WDR1: variants seen among roughly 807,000 people sequenced by gnomAD.
WDR1 encodes WD repeat domain 1.
A neutral mutation model predicts 71.9 loss-of-function variants in WDR1; 21 were observed. That is an observed-to-expected ratio of 0.29 (90% CI 0.21 to 0.42). WDR1 has a LOEUF of 0.42. WDR1 is among the 10% of genes least tolerant of loss of function. The pLI, the probability that WDR1 is intolerant of heterozygous loss-of-function variation, is 1.00. For synonymous variants in WDR1, 424 were observed against 347.4 expected (o/e 1.22, Z -2.45); for missense variants, 696 against 824.5 (o/e 0.84, Z 1.91).
In WDR1 at chr4:10,086,349, C is replaced by G. The variant is rs371062122; in HGVS notation, c.951+1358G>C. 1.1e-4 allele frequency among the ~76,000 whole-genome samples: 16 copies of G among 152,342 alleles called. No individual in the cohort carries two copies. The South Asian group carries it at 3.1e-3, about 30-fold the overall frequency. On this transcript the variant is annotated intron_variant, in intron 8 of 14. Coordinates refer to ENST00000499869, the MANE Select transcript of WDR1 (RefSeq NM_017491.5). Reference sequence around the variant, plus strand: ...TATCCTCGAGGCCACGTCTAGTGAACCTTTATGGTTCAGCCTTCCCCCTCT... The same window carrying G: ...TATCCTCGAGGCCACGTCTAGTGAAGCTTTATGGTTCAGCCTTCCCCCTCT...
chr4:10,112,406 G>A (rs1335622806), intron 2 of WDR1, among the ~76,000 whole-genome samples: 1 of 152,088 alleles, frequency 6.6e-6, no homozygotes, highest in Non-Finnish European at 1.5e-5. Flanking sequence ...TCCCCTTCTT[G>A]GAGCTCTCTC....
intron 8 of WDR1, among the ~76,000 whole-genome samples, chr4:10,086,224 C>G (rs574756689): frequency 2.0e-5 from 3 of 152,348 alleles, no homozygotes; most frequent in Admixed American, 2.0e-4. Flanking sequence ...TCAGCTCCCC[C>G]AGGCAACAAC....
At position 10,074,923 on chromosome 4, in the gene WDR1, G is replaced by A. The variant is rs79218087; in HGVS notation, c.*455C>T. 1.1e-3 allele frequency: 196 copies of A among 170,606 alleles called. 1 individual carries two copies. The highest frequency in any genetic ancestry group is 3.7e-3 in the African/African-American group (158 of 42,316). 10.6% of individuals were successfully genotyped at this position (170,606 alleles called of 1,614,324 possible). A position where few individuals can be genotyped will look rare whatever the true frequency, so the allele number is the denominator to read the frequency against. ...AGACATCTGTTCAACACAGAATTCC[G>A]GCTTTGCTGAACTGCAATGCATATT... On this transcript the variant is annotated 3_prime_UTR_variant, in exon 15 of 15. Coordinates refer to ENST00000499869, the MANE Select transcript of WDR1 (RefSeq NM_017491.5).
chr4:10,116,308 C>T, intron 1 of WDR1, 74 bp from the exon 2 acceptor site: 1 of 1,598,940 alleles, frequency 6.3e-7, no homozygotes, highest in Non-Finnish European at 8.5e-7. Flanking sequence ...AGAAGGAGCC[C>T]CGGACCGGTC....
Position 10,079,001 on chromosome 4 carries a change from T to C in WDR1, c.1285A>G (p.Ile429Val). 1 of 1,600,194 alleles carries C rather than the reference T, an allele frequency of 6.2e-7. No individual in the cohort carries two copies. The highest frequency in any genetic ancestry group is 8.5e-7 in the Non-Finnish European group (1 of 1,171,930). The change falls in exon 12 of 15, where the codon ATT becomes GTT. Residue 429 changes from isoleucine to valine, a missense_variant and splice_region_variant. Transcript: ENST00000499869. The part of the protein sequence containing the change: ...GYAVVVCIGQ[I>V]VLLKDQRKCF... ...TTCCTCTGATCCTTCAGCAGGACAATCTGTGGCACACACAGGCAGCTGGTC... is the reference window on the plus strand; with the variant it reads ...TTCCTCTGATCCTTCAGCAGGACAACCTGTGGCACACACAGGCAGCTGGTC...
chr4:10,098,207 A>G (rs2241483), intron 4 of WDR1, among the ~76,000 whole-genome samples: 67,636 of 151,904 alleles, frequency 0.45, 15,505 homozygotes, highest in Admixed American at 0.54. Flanking sequence ...TTACAGTTCT[A>G]TTGGGAGGGA....
Position 10,103,939 on chromosome 4 carries a change from C to T in WDR1, c.186G>A (p.Val62=). 6.2e-7 allele frequency: 1 copy of T among 1,603,154 alleles called. No homozygotes were observed. Among genetic ancestry groups the T allele is most frequent in the Non-Finnish European group, 8.5e-7 (1 of 1,175,178 alleles). ...DIYTEHAHQV[V]VAKYAPSGFY... ...ATCCGCTGGGCGCATACTTGGCCAC[C>T]ACCACCTGATGGGCGTGCTCTGTGT... The change falls in exon 3 of 15, where the codon GTG becomes GTA. Residue 62 remains valine, a synonymous_variant. Coordinates refer to ENST00000499869, the MANE Select transcript of WDR1 (RefSeq NM_017491.5).
At chr4:10,083,496 C>T (rs1392468285) in intron 9 of WDR1, 1 of 513,054 alleles carries the variant, frequency 1.9e-6, no homozygotes, top group African/African-American at 1.9e-5. Context: ...ACCCTCTAAC[C>T]CCACATTTCT....
chr4:10,092,979 C>T (rs1578430821), intron 5 of WDR1: 1 of 1,078,370 alleles, frequency 9.3e-7, no homozygotes, highest in African/African-American at 1.6e-5. Context: ...CCAAGACTGA[C>T]CTGTATCAAC....
intron 8 of WDR1, among the ~76,000 whole-genome samples, chr4:10,085,997 G>C (rs1474388868): frequency 6.6e-6 from 1 of 152,238 alleles, no homozygotes; most frequent in Non-Finnish European, 1.5e-5. Context: ...ACTGGCCCCA[G>C]ACAGTTGGCA....
intron 5 of WDR1, chr4:10,092,694 GC>G (rs1158311015): frequency 3.8e-6 from 1 of 265,882 alleles, no homozygotes; most frequent in African/African-American, 2.2e-5. Flanking sequence ...GAGAGAAGCC[GC>G]GAAAAGCCCA....
chr4:10,098,261 T>C (rs1419238960), intron 4 of WDR1, among the ~76,000 whole-genome samples: 2 of 152,196 alleles, frequency 1.3e-5, no homozygotes, highest in Non-Finnish European at 2.9e-5. Context: ...TGCTCTTGGC[T>C]GACATTCAAC....
rs190335922 is a variant in WDR1 at position 10,088,425 on chromosome 4, G to A, written c.637-52C>T. ...CATGTGTGTGTGAACACCCTCTGGA[G>A]TAAGCAGTTTCTCCATGGACTGTGG... On this transcript the variant is annotated intron_variant, in intron 6 of 14. Coordinates refer to ENST00000499869, the MANE Select transcript of WDR1 (RefSeq NM_017491.5). The A allele has an allele frequency of 2.8e-4, 425 of 1,509,338 alleles. 2 individuals carry two copies. Among genetic ancestry groups the A allele is most frequent in the Middle Eastern group, 1.5e-3 (9 of 5,914 alleles). 93.5% of individuals were successfully genotyped at this position (1,509,338 alleles called of 1,614,324 possible).
chr4:10,077,795 G>A lies in WDR1; in HGVS notation c.1527C>T (p.Ala509=). ...HDGAFLAVCD[A]SKVVTVFSVA... ...CGCTGAACACTGTGACCACCTTGCT[G>A]GCGTCGCACACCGCGAGGAAGGCGC... Residue 509 remains alanine (A), a synonymous_variant, in exon 13 of 15, where the codon GCC becomes GCT. Transcript: ENST00000499869. The A allele has an allele frequency of 6.2e-7, 1 of 1,603,508 alleles. No individual in the cohort carries two copies. Among genetic ancestry groups the A allele is most frequent in the East Asian group, 2.3e-5 (1 of 44,280 alleles).
In WDR1 at chr4:10,075,466, T is replaced by C; in HGVS notation, c.1733A>G (p.His578Arg). 1 of 1,613,966 alleles carries C rather than the reference T, an allele frequency of 6.2e-7. No individual in the cohort carries two copies. Among genetic ancestry groups the C allele is most frequent in the Non-Finnish European group, 8.5e-7 (1 of 1,179,876 alleles). The change falls in exon 15 of 15, where the codon CAT (histidine) becomes CGT (arginine). Residue 578 changes from histidine to arginine, a missense_variant. Physicochemically the swap from His to Arg is conservative, Grantham distance 29 (BLOSUM62 0). Coordinates refer to ENST00000499869, the MANE Select transcript of WDR1 (RefSeq NM_017491.5). ...GTCCAGCCAGGCCAGGCTGCTGACA[T>C]GGTGCAGCCGGTGTGCATCTGGGAA... ...VKIQDAHRLHHVSSLAWLDEH... is the reference protein window; with the variant it reads ...VKIQDAHRLHRVSSLAWLDEH...
intron 7 of WDR1, 65 bp downstream of exon 7, chr4:10,088,228 G>T: frequency 6.9e-7 from 1 of 1,444,732 alleles, no homozygotes; most frequent in Non-Finnish European, 9.5e-7. Flanking sequence ...AGTGAGTGTG[G>T]ATGGACTGAC....
chr4:10,077,154 G>T, intron 14 of WDR1, 150 bp downstream of exon 14: 1 of 1,146,206 alleles, frequency 8.7e-7, no homozygotes, highest in Non-Finnish European at 1.2e-6. Context: ...TTGCTGGATG[G>T]AAGGAGACCC....
At position 10,075,371 on chromosome 4, in the gene WDR1, G is replaced by A. The variant is rs370455785; in HGVS notation, c.*7C>T. 3.1e-6 allele frequency: 5 copies of A among 1,611,698 alleles called. No individual in the cohort carries two copies. In the Admixed American group the frequency reaches 6.7e-5, roughly 22 times the overall value. The stretch of plus-strand genomic sequence containing the variant: ...TTCGGTCCATCCAGAGGCGGGGGTG[G>A]GGCTCCTCAGTAGGTGATTGTCCAC... On this transcript the variant is annotated 3_prime_UTR_variant, in exon 15 of 15. Transcript: ENST00000499869.
At position 10,086,159 on chromosome 4, in the gene WDR1, A is replaced by T. The variant is rs184714422; in HGVS notation, c.951+1548T>A. On this transcript the variant is annotated intron_variant, in intron 8 of 14. Coordinates refer to ENST00000499869, the MANE Select transcript of WDR1 (RefSeq NM_017491.5). ...AGCGAAGCCTTACTCACCCGTGTAC[A>T]ATTTCTCACCATCCCACTTGGAGGC... is the stretch of plus-strand genomic sequence containing the variant. Among the ~76,000 whole-genome samples, 6 of 152,214 alleles carry T rather than the reference A, an allele frequency of 3.9e-5. No homozygotes were observed. In the East Asian group the frequency reaches 1.2e-3, roughly 29 times the overall value.
Sources: gnomAD v4.1 joint callset for allele counts (sites outside exome capture counted in the v4.1 genomes callset) on GRCh38, gnomAD v4.1.1 for gene constraint, MANE v1.5 for transcripts, NCBI Gene and HGNC (gene_info 2026-07-23, HGNC 2026-07-21) for gene names.